The following PCDH9 variants were observed in gnomAD, a reference collection of about 807,000 sequenced individuals.
PCDH9 encodes the protein protocadherin 9.
PCDH9 carries 24 observed loss-of-function variants against 70.6 expected under a neutral mutation model. The observed-to-expected ratio is 0.34, with a 90% confidence interval of 0.25 to 0.48. The LOEUF (loss-of-function observed/expected upper bound fraction) is 0.48, where lower values mean the gene tolerates loss of function less well. Ranked by LOEUF, PCDH9 falls within the 20% of genes least tolerant of loss-of-function variation. The pLI is 0.99. For synonymous variants in PCDH9, 562 were observed against 558.5 expected, an observed-to-expected ratio of 1.01 and a Z score of -0.09; for missense variants, 1,281 against 1,503.6, an observed-to-expected ratio of 0.85 and a Z score of 2.45.
chr13:66,696,239 G>T (rs1282649974), intron 3 of PCDH9, among the ~76,000 whole-genome samples: 1 of 151,938 alleles, frequency 6.6e-6, no homozygotes, highest in African/African-American at 2.4e-5. Flanking sequence ...AAAAAAAGGA[G>T]AAATAATTTT....
intron 3 of PCDH9, among the ~76,000 whole-genome samples, chr13:66,698,380 C>A (rs764379702): frequency 1.3e-5 from 2 of 152,160 alleles, no homozygotes; most frequent in African/African-American, 2.4e-5. Flanking sequence ...AGAGCCACTG[C>A]TCTAAAATAT....
At chr13:66,743,044 C>T (rs1361401445) in intron 3 of PCDH9, among the ~76,000 whole-genome samples, 41 of 83,396 alleles carry the variant, frequency 4.9e-4, no homozygotes, top group Middle Eastern at 5.9e-3. Flanking sequence ...CACACGCACA[C>T]GTATGTTTAT....
chr13:66,822,847 C>T (rs1432494289), intron 3 of PCDH9, among the ~76,000 whole-genome samples: 1 of 151,872 alleles, frequency 6.6e-6, no homozygotes, highest in Admixed American at 6.6e-5. Flanking sequence ...TACTTACACT[C>T]TTATTATATT....
intron 3 of PCDH9, among the ~76,000 whole-genome samples, chr13:66,845,606 C>A (rs1256935911): frequency 3.3e-5 from 5 of 152,192 alleles, no homozygotes; most frequent in African/African-American, 1.2e-4. Context: ...CCTGGATCCA[C>A]AGCGCTAGCT....
chr13:67,090,467 T>TA (rs747630511), intron 2 of PCDH9, among the ~76,000 whole-genome samples: 10 of 152,158 alleles, frequency 6.6e-5, no homozygotes, highest in Admixed American at 1.3e-4. Context: ...GTATTGTACC[T>TA]AAAAATAAAG....
intron 3 of PCDH9, among the ~76,000 whole-genome samples, chr13:66,794,906 T>C (rs1181808688): frequency 6.6e-6 from 1 of 151,384 alleles, no homozygotes; most frequent in Non-Finnish European, 1.5e-5. Context: ...TGAATCCTAA[T>C]TAGATTTCAG....
At chr13:66,981,858 C>T (rs2083777825) in intron 2 of PCDH9, among the ~76,000 whole-genome samples, 1 of 152,108 alleles carries the variant, frequency 6.6e-6, no homozygotes, top group Admixed American at 6.6e-5. Context: ...ATTTATCACA[C>T]AGGTAAAATT....
intron 3 of PCDH9, among the ~76,000 whole-genome samples, chr13:66,884,124 A>G (rs1594204677): frequency 6.6e-6 from 1 of 151,782 alleles, no homozygotes; most frequent in Non-Finnish European, 1.5e-5. Context: ...TCTTGAACTC[A>G]TGACCTCAAG....
intron 3 of PCDH9, among the ~76,000 whole-genome samples, chr13:66,780,541 C>A (rs1378709650): frequency 2.6e-5 from 4 of 152,106 alleles, no homozygotes; most frequent in African/African-American, 9.7e-5. Context: ...GGCCAGCTTG[C>A]TCTTTCCTTG....
At chr13:66,496,343 TC>T (rs992326611) in intron 4 of PCDH9, among the ~76,000 whole-genome samples, 1 of 152,146 alleles carries the variant, frequency 6.6e-6, no homozygotes, top group African/African-American at 2.4e-5. Flanking sequence ...TCATTTTTGA[TC>T]CCCCCAAATC....
chr13:67,007,140 G>C (rs2084369137), intron 2 of PCDH9, among the ~76,000 whole-genome samples: 2 of 151,960 alleles, frequency 1.3e-5, no homozygotes, highest in Admixed American at 1.3e-4. Context: ...TCCTAAGTAT[G>C]CAACAGTAGA....
At chr13:66,530,714 G>T (rs1960414358) in intron 4 of PCDH9, among the ~76,000 whole-genome samples, 2 of 151,860 alleles carry the variant, frequency 1.3e-5, no homozygotes, top group Admixed American at 1.3e-4. Flanking sequence ...TTTCTTACCA[G>T]CAAGTAAGAT....
At chr13:66,527,587 G>C (rs1353104592) in intron 4 of PCDH9, among the ~76,000 whole-genome samples, 1 of 152,052 alleles carries the variant, frequency 6.6e-6, no homozygotes, top group Non-Finnish European at 1.5e-5. Flanking sequence ...TTGTGCTAAA[G>C]AGTTCCGTAT....
chr13:67,113,782 C>T (rs564929937), intron 2 of PCDH9, among the ~76,000 whole-genome samples: 1 of 152,256 alleles, frequency 6.6e-6, no homozygotes, highest in East Asian at 1.9e-4. Flanking sequence ...CTTCTGACCT[C>T]ATGATCTGCC....
chr13:67,012,613 C>G (rs1356500803), intron 2 of PCDH9, among the ~76,000 whole-genome samples: 1 of 151,876 alleles, frequency 6.6e-6, no homozygotes, highest in Non-Finnish European at 1.5e-5. Flanking sequence ...ACTACAAATA[C>G]GTTGAATGGT....
intron 2 of PCDH9, among the ~76,000 whole-genome samples, chr13:67,051,190 T>C (rs775614265): frequency 6.6e-6 from 1 of 152,084 alleles, no homozygotes; most frequent in Non-Finnish European, 1.5e-5. Flanking sequence ...CAGTAGCATT[T>C]GGGTTAAGCC....
chr13:67,088,771 T>C (rs2086159628), intron 2 of PCDH9, among the ~76,000 whole-genome samples: 1 of 152,072 alleles, frequency 6.6e-6, no homozygotes, highest in Non-Finnish European at 1.5e-5. Flanking sequence ...TTTTGCTTTA[T>C]CAAACACGTC....
rs1370820079 is a variant in PCDH9 at position 67,005,158 on chromosome 13, G to A, written c.3037-101553C>T. Among the ~76,000 whole-genome samples the A allele has an allele frequency of 1.3e-5, 2 of 151,612 alleles. 1 individual carries two copies. Among genetic ancestry groups the A allele is most frequent in the East Asian group, 3.9e-4 (2 of 5,132 alleles). Reference sequence around the variant, plus strand: ...CAAAAATTAAGGCAAGCAGAATCACGGACATTTCTGCATATGGGAACATCC... The same window carrying A: ...CAAAAATTAAGGCAAGCAGAATCACAGACATTTCTGCATATGGGAACATCC... On this transcript the variant is annotated intron_variant, in intron 2 of 4. Transcript: ENST00000377865.
chr13:66,903,274 T>C (rs760429087), intron 3 of PCDH9, among the ~76,000 whole-genome samples: 1 of 151,784 alleles, frequency 6.6e-6, no homozygotes, highest in Non-Finnish European at 1.5e-5. Context: ...GTTACTAACA[T>C]TATGTTTGAG....
Sources: allele counts gnomAD v4.1 joint callset (sites outside exome capture counted in the v4.1 genomes callset), GRCh38; gene constraint gnomAD v4.1.1; transcripts MANE v1.5; gene names NCBI Gene and HGNC (gene_info 2026-07-23, HGNC 2026-07-21).